Variants in ABCD2 observed in about 807,000 individuals in gnomAD.
The protein encoded by ABCD2 is ATP-binding cassette sub-family D member 2.
ABCD2 carries 36 observed loss-of-function variants against 70.9 expected under a neutral mutation model. The ratio of observed to expected loss-of-function variants is 0.51; its 90% CI spans 0.39 to 0.67. ABCD2 has a LOEUF of 0.67. Among genes scored for constraint, ABCD2 ranks in the 30% least tolerant of loss-of-function variants. The probability of loss-of-function intolerance (pLI) is 0.00; values close to 1 mark genes in which losing one functional copy is unlikely to be tolerated. For synonymous variants in ABCD2, 304 were observed against 306.9 expected, an observed-to-expected ratio of 0.99 and a Z score of 0.10; for missense variants, 729 against 890.2, an observed-to-expected ratio of 0.82 and a Z score of 2.30.
At chr12:39,575,535 T>G (rs1004450422) in intron 8 of ABCD2, among the ~76,000 whole-genome samples, 13 of 151,776 alleles carry the variant, frequency 8.6e-5, no homozygotes, top group Admixed American at 8.5e-4. Context: ...AAGACAGGAG[T>G]TTTTCAATCA....
At chr12:39,590,322 A>G (rs77118596) in intron 6 of ABCD2, among the ~76,000 whole-genome samples, 67 of 152,318 alleles carry the variant, frequency 4.4e-4, no homozygotes, top group African/African-American at 1.5e-3. Flanking sequence ...CTGGCTCATT[A>G]CAAAGGAGAT....
At chr12:39,607,539 A>G in intron 3 of ABCD2, 60 bp downstream of exon 3, 1 of 1,361,322 alleles carries the variant, frequency 7.3e-7, no homozygotes, top group South Asian at 1.2e-5. Context: ...GGTAATTGAC[A>G]TTTTGCTTGA....
At chr12:39,598,699 C>T (rs894639639) in intron 6 of ABCD2, among the ~76,000 whole-genome samples, 6 of 152,128 alleles carry the variant, frequency 3.9e-5, no homozygotes, top group Non-Finnish European at 8.8e-5. Context: ...CCCACCCAGC[C>T]AGATTATATT....
rs527597567 is a variant in ABCD2 at position 39,612,439 on chromosome 12, A to G, written c.1120+4549T>C. On this transcript the variant is annotated intron_variant, in intron 2 of 9. Transcript: ENST00000308666. ...ATACTCAGTAACACTGATGAAGCTC[A>G]TAAGCATAATACTGAGTCAAAGAAG... 1.6e-4 allele frequency among the ~76,000 whole-genome samples: 25 copies of G among 152,340 alleles called. No homozygotes were observed. The East Asian group carries it at 4.6e-3, about 28-fold the overall frequency.
At chr12:39,589,752 T>C (rs922283524) in intron 6 of ABCD2, among the ~76,000 whole-genome samples, 1 of 152,138 alleles carries the variant, frequency 6.6e-6, no homozygotes, top group Non-Finnish European at 1.5e-5. Flanking sequence ...TGAAAACTGA[T>C]GTGAATGAGA....
chr12:39,556,120 G>A (rs1362064900), intron 9 of ABCD2, among the ~76,000 whole-genome samples: 1 of 152,172 alleles, frequency 6.6e-6, no homozygotes, highest in Non-Finnish European at 1.5e-5. Context: ...TCTTTAATGT[G>A]TAGACATCAA....
At chr12:39,590,136 A>C (rs1941725952) in intron 6 of ABCD2, among the ~76,000 whole-genome samples, 1 of 152,182 alleles carries the variant, frequency 6.6e-6, no homozygotes, top group African/African-American at 2.4e-5. Flanking sequence ...TCTGGAATTT[A>C]ACATTTTGAG....
downstream of ABCD2, among the ~76,000 whole-genome samples, chr12:39,549,120 G>A (rs1358693766): frequency 6.6e-6 from 1 of 151,908 alleles, no homozygotes; most frequent in Non-Finnish European, 1.5e-5. Flanking sequence ...AAGACAACAT[G>A]CTAAATACAT....
intron 9 of ABCD2, among the ~76,000 whole-genome samples, chr12:39,571,964 A>G (rs540246535): frequency 1.3e-5 from 2 of 152,312 alleles, no homozygotes; most frequent in African/African-American, 4.8e-5. Context: ...AGAAAGAATA[A>G]TCAGAAATGA....
chr12:39,619,426 C>T lies in ABCD2; in HGVS notation c.190G>A (p.Glu64Lys), dbSNP rs1404197332. The change falls in exon 1 of 10, where the codon GAA becomes AAA. Residue 64 changes from glutamate (E) to lysine (K), a missense_variant. Glu to Lys is a moderately conservative substitution (Grantham distance 56). Transcript: ENST00000308666. ...ATGGTCTCGGTGCAATGCAGTATTTCTGTGTTCTCTGCAGCAGGGTAAGCT... is the reference window on the plus strand; with the variant it reads ...ATGGTCTCGGTGCAATGCAGTATTTTTGTGTTCTCTGCAGCAGGGTAAGCT... ...AAAYPAAENT[E>K]ILHCTETICE... The T allele has an allele frequency of 1.9e-6, 3 of 1,613,996 alleles. No individual in the cohort carries two copies. The highest frequency in any genetic ancestry group is 2.2e-5 in the East Asian group (1 of 44,868).
chr12:39,560,250 A>T (rs1216689467), intron 9 of ABCD2, among the ~76,000 whole-genome samples: 1 of 152,124 alleles, frequency 6.6e-6, no homozygotes, highest in East Asian at 1.9e-4. Flanking sequence ...TATGAGTGAG[A>T]ACATGTGGTG....
intron 8 of ABCD2, 96 bp from the exon 9 acceptor site, chr12:39,573,937 G>T: frequency 8.4e-7 from 1 of 1,194,816 alleles, no homozygotes; most frequent in Non-Finnish European, 1.1e-6. Context: ...AATTTTAATG[G>T]AGCAAAAAAG....
chr12:39,618,796 A>T lies in ABCD2; in HGVS notation c.820T>A (p.Cys274Ser). The change falls in exon 1 of 10, where the codon TGT becomes AGT. Residue 274 changes from cysteine (C) to serine (S), a missense_variant. Coordinates refer to ENST00000308666, the MANE Select transcript of ABCD2 (RefSeq NM_005164.4). ...ACCAGTTTGCCAAATTTGGGAGAAC[A>T]GGCTTTTAACACTTTAGCAGTGGCA... ...VYATAKVLKACSPKFGKLVAE... is the reference protein window; with the variant it reads ...VYATAKVLKASSPKFGKLVAE... The T allele has an allele frequency of 6.2e-7, 1 of 1,614,236 alleles. No homozygotes were observed. Among genetic ancestry groups the T allele is most frequent in the Non-Finnish European group, 8.5e-7 (1 of 1,180,032 alleles).
At chr12:39,556,344 C>T (rs1171041783) in intron 9 of ABCD2, among the ~76,000 whole-genome samples, 1 of 152,170 alleles carries the variant, frequency 6.6e-6, no homozygotes, top group Non-Finnish European at 1.5e-5. Flanking sequence ...CCATAAGCCC[C>T]ATGTGTCAAG....
chr12:39,616,661 G>A (rs1942118545), intron 2 of ABCD2, among the ~76,000 whole-genome samples: 1 of 151,844 alleles, frequency 6.6e-6, no homozygotes, highest in South Asian at 2.1e-4. Context: ...TCTTTCTGAG[G>A]GTACTAACTT....
chr12:39,602,765 C>T (rs1214438243), intron 5 of ABCD2, among the ~76,000 whole-genome samples: 5 of 151,918 alleles, frequency 3.3e-5, no homozygotes, highest in Admixed American at 6.6e-5. Flanking sequence ...TATGCCCACA[C>T]TAATGTAGTT....
chr12:39,556,125 C>T (rs1414688038), intron 9 of ABCD2, among the ~76,000 whole-genome samples: 1 of 152,136 alleles, frequency 6.6e-6, no homozygotes, highest in Non-Finnish European at 1.5e-5. Context: ...AATGTGTAGA[C>T]ATCAATTCAT....
Position 39,573,805 on chromosome 12 carries a change from A to G in ABCD2, c.1914T>C (p.Ala638=), listed in dbSNP as rs761709863. ...TCTTTCCTTCGACATCAATGCTGAC[A>G]GCACTGGTACATTCATCCAGCAAGG... ...KYALLDECTS[A]VSIDVEGKIF... The change falls in exon 9 of 10, where the codon GCT becomes GCC. Residue 638 remains alanine, a synonymous_variant. Transcript: ENST00000308666. 3 of 1,613,172 alleles carry G rather than the reference A, an allele frequency of 1.9e-6. No homozygotes were observed. The highest frequency in any genetic ancestry group is 2.5e-6 in the Non-Finnish European group (3 of 1,179,338).
At chr12:39,560,279 T>C (rs1007781438) in intron 9 of ABCD2, among the ~76,000 whole-genome samples, 2 of 152,140 alleles carry the variant, frequency 1.3e-5, no homozygotes, top group Admixed American at 6.6e-5. Context: ...TTTGTCCTTG[T>C]GATAGTTTGC....
Sources: gnomAD v4.1 joint callset for allele counts (sites outside exome capture counted in the v4.1 genomes callset) on GRCh38, gnomAD v4.1.1 for gene constraint, MANE v1.5 for transcripts, NCBI Gene and HGNC (gene_info 2026-07-23, HGNC 2026-07-21) for gene names.